The following AP1AR variants were observed in gnomAD, a reference collection of about 807,000 sequenced individuals.
The protein encoded by AP1AR is adaptor related protein complex 1 associated regulatory protein.
AP1AR carries 29 observed loss-of-function variants against 46.3 expected under a neutral mutation model. That is an observed-to-expected ratio of 0.63 (90% CI 0.47 to 0.85). The LOEUF is 0.85. Ranked by LOEUF, AP1AR falls within the 40% of genes least tolerant of loss-of-function variation. AP1AR has a pLI of 0.00. For synonymous variants in AP1AR, 122 were observed against 122.9 expected, an observed-to-expected ratio of 0.99 and a Z score of 0.05; for missense variants, 357 against 356.3, an observed-to-expected ratio of 1.00 and a Z score of -0.02.
intron 7 of AP1AR, chr4:112,265,330 G>T: frequency 2.6e-6 from 1 of 384,272 alleles, no homozygotes; most frequent in Non-Finnish European, 4.6e-6. Flanking sequence ...AATGCCTTTG[G>T]GTGAGTTGTT....
At chr4:112,244,542 G>A (rs914601532) in intron 1 of AP1AR, among the ~76,000 whole-genome samples, 1 of 152,112 alleles carries the variant, frequency 6.6e-6, no homozygotes, top group African/African-American at 2.4e-5. Context: ...CTAAAACAGA[G>A]TTGTCAAGAC....
intron 1 of AP1AR, among the ~76,000 whole-genome samples, chr4:112,249,365 A>C (rs1198067162): frequency 1.3e-5 from 2 of 151,420 alleles, no homozygotes; most frequent in Non-Finnish European, 2.9e-5. Context: ...TCTTTAAAAA[A>C]AAAAAATGTA....
intron 1 of AP1AR, among the ~76,000 whole-genome samples, chr4:112,242,738 C>T (rs534224787): frequency 6.6e-6 from 1 of 152,256 alleles, no homozygotes; most frequent in South Asian, 2.1e-4. Context: ...TAGGCCCCAC[C>T]CCTAACAATG....
intron 3 of AP1AR, 85 bp downstream of exon 3, chr4:112,254,858 TTTA>T (rs1726116406): frequency 1.5e-6 from 1 of 673,968 alleles, no homozygotes; most frequent in Non-Finnish European, 2.3e-6. Flanking sequence ...GTTTACAATT[TTTA>T]TTATTTTTGT....
rs900212065 is a variant in AP1AR at position 112,232,529 on chromosome 4, T to C, written c.83+355T>C. Among the ~76,000 whole-genome samples, 6 of 152,342 alleles carry C rather than the reference T, an allele frequency of 3.9e-5. No homozygotes were observed. The East Asian group carries it at 1.2e-3, about 29-fold the overall frequency. On this transcript the variant is annotated intron_variant, in intron 1 of 9. Coordinates refer to ENST00000274000, the MANE Select transcript of AP1AR (RefSeq NM_018569.6). ...ACCTGGACACACCCTGCGCTGAGCT[T>C]AGGTTTAACGCCAAAGCTAGTATCC...
rs1030493135 is a variant in AP1AR at position 112,259,949 on chromosome 4, CTTT to C, written c.186-815_186-813del. On this transcript the variant is annotated intron_variant, in intron 4 of 9. Coordinates refer to ENST00000274000, the MANE Select transcript of AP1AR (RefSeq NM_018569.6). ...ATTTCTTAAAGTGGAGTGAAATTGCCTTTTAAGATAAAAAAAAGTATGAATAAG... is the reference window on the plus strand; with the variant it reads ...ATTTCTTAAAGTGGAGTGAAATTGCCTAAGATAAAAAAAAGTATGAATAAG... Among the ~76,000 whole-genome samples the C allele has an allele frequency of 4.6e-5, 7 of 151,358 alleles. 3 individuals are homozygous for C. Among genetic ancestry groups the C allele is most frequent in the African/African-American group, 1.7e-4 (7 of 41,466 alleles).
intron 1 of AP1AR, among the ~76,000 whole-genome samples, chr4:112,242,407 C>G (rs6829282): frequency 0.58 from 87,523 of 151,648 alleles, 26,117 homozygotes; most frequent in African/African-American, 0.74. Flanking sequence ...CTGTCTTAGG[C>G]TGTGTCGACA....
chr4:112,264,225 A>C (rs191201948), intron 6 of AP1AR, among the ~76,000 whole-genome samples: 17 of 152,244 alleles, frequency 1.1e-4, no homozygotes, highest in Admixed American at 3.3e-4. Flanking sequence ...GACACTTTTT[A>C]CTGTAATAGA....
Position 112,271,099 on chromosome 4 carries a change from C to T in AP1AR, c.*2690C>T, listed in dbSNP as rs923257057. Among the ~76,000 whole-genome samples, 2 of 152,186 alleles carry T rather than the reference C, an allele frequency of 1.3e-5. No homozygotes were observed. Among genetic ancestry groups the T allele is most frequent in the Non-Finnish European group, 2.9e-5 (2 of 68,032 alleles). ...ATCAGATACTACTGTAGGGGTAACACATCTGGCATGGTGCCGTGGCTACCT... is the reference window on the plus strand; with the variant it reads ...ATCAGATACTACTGTAGGGGTAACATATCTGGCATGGTGCCGTGGCTACCT... On this transcript the variant is annotated 3_prime_UTR_variant, in exon 10 of 10. Coordinates refer to ENST00000274000, the MANE Select transcript of AP1AR (RefSeq NM_018569.6).
Position 112,271,297 on chromosome 4 carries a change from C to T in AP1AR, c.*2888C>T, listed in dbSNP as rs1171292901. Among the ~76,000 whole-genome samples the T allele has an allele frequency of 6.6e-6, 1 of 152,192 alleles. No homozygotes were observed. Among genetic ancestry groups the T allele is most frequent in the African/African-American group, 2.4e-5 (1 of 41,438 alleles). ...ACCTCCCTGTCTTGCAAAAGGCTGC[C>T]GTGAGGCAATTTCTCATCCAGCTGG... On this transcript the variant is annotated 3_prime_UTR_variant, in exon 10 of 10. Transcript: ENST00000274000.
Position 112,266,716 on chromosome 4 carries a change from G to T in AP1AR, c.643G>T (p.Gly215Ter). ...SLDLEWEDEEGMNRMLPMRER... is the reference protein window; with the variant it reads ...SLDLEWEDEE ...AGATCTAGAGTGGGAAGATGAAGAAGGTATTTTATAATTCACAATTTTACC... is the reference window on the plus strand; with the variant it reads ...AGATCTAGAGTGGGAAGATGAAGAATGTATTTTATAATTCACAATTTTACC... The change falls in exon 9 of 10, where the codon GGA (glycine) becomes TGA (stop). Residue 215 changes from glycine to a stop codon, truncating the protein, a stop_gained and splice_region_variant. Transcript: ENST00000274000. LOFTEE classifies it high-confidence loss of function. 1 of 1,595,322 alleles carries T rather than the reference G, an allele frequency of 6.3e-7. No individual in the cohort carries two copies. The highest frequency in any genetic ancestry group is 1.1e-5 in the South Asian group (1 of 88,436).
Position 112,232,137 on chromosome 4 carries a change from G to A in AP1AR, c.46G>A (p.Glu16Lys). Residue 16 changes from glutamate to lysine, a missense_variant, in exon 1 of 10, where the codon GAA (glutamate) becomes AAA (lysine). Coordinates refer to ENST00000274000, the MANE Select transcript of AP1AR (RefSeq NM_018569.6). ...WTQCFGLLRKEAGRLQRVGGG... is the reference protein window; with the variant it reads ...WTQCFGLLRKKAGRLQRVGGG... ...GCAGTGCTTCGGACTGCTTCGCAAG[G>A]AAGCGGGGCGGCTGCAGCGAGTAGG... The A allele has an allele frequency of 7.8e-7, 1 of 1,278,618 alleles. No individual in the cohort carries two copies. Among genetic ancestry groups the A allele is most frequent in the Non-Finnish European group, 1.0e-6 (1 of 1,003,914 alleles). 79.2% of individuals were successfully genotyped at this position (1,278,618 alleles called of 1,614,324 possible).
chr4:112,237,485 TCTCA>T (rs755233120), intron 1 of AP1AR, among the ~76,000 whole-genome samples: 15 of 151,378 alleles, frequency 9.9e-5, no homozygotes, highest in Admixed American at 4.6e-4. Flanking sequence ...TGAGACGAGG[TCTCA>T]CTCTGTCACC....
At chr4:112,251,094 C>G (rs1018310027) in intron 1 of AP1AR, among the ~76,000 whole-genome samples, 1 of 152,174 alleles carries the variant, frequency 6.6e-6, no homozygotes, top group Non-Finnish European at 1.5e-5. Context: ...TTTCATTCCT[C>G]TCATTGCGCA....
At chr4:112,252,847 A>G (rs1025535019) in intron 1 of AP1AR, among the ~76,000 whole-genome samples, 1 of 152,180 alleles carries the variant, frequency 6.6e-6, no homozygotes, top group African/African-American at 2.4e-5. Context: ...CTTTTTATAT[A>G]TTATTTAACA....
intron 3 of AP1AR, 58 bp downstream of exon 3, chr4:112,254,831 T>C: frequency 1.1e-6 from 1 of 895,620 alleles, no homozygotes; most frequent in Non-Finnish European, 1.6e-6. Flanking sequence ...AATCGTCTCA[T>C]TAGTTCTAAC....
chr4:112,249,226 G>C (rs868782820), intron 1 of AP1AR, among the ~76,000 whole-genome samples: 2 of 152,102 alleles, frequency 1.3e-5, no homozygotes, highest in Admixed American at 1.3e-4. Context: ...CCCAGCGGGT[G>C]GAGGTTGTGA....
chr4:112,254,945 A>C, intron 3 of AP1AR, 172 bp downstream of exon 3: 1 of 378,136 alleles, frequency 2.6e-6, no homozygotes, highest in Non-Finnish European at 4.6e-6. Flanking sequence ...ACTAATTTAT[A>C]TTAGAAAATA....
At chr4:112,250,805 A>G (rs1429535228) in intron 1 of AP1AR, among the ~76,000 whole-genome samples, 1 of 150,116 alleles carries the variant, frequency 6.7e-6, no homozygotes, top group Admixed American at 6.6e-5. Flanking sequence ...TTTTTCCCAA[A>G]TATATTTTGC....
Sources: gnomAD v4.1 joint callset for allele counts (sites outside exome capture counted in the v4.1 genomes callset) on GRCh38, gnomAD v4.1.1 for gene constraint, MANE v1.5 for transcripts, NCBI Gene and HGNC (gene_info 2026-07-23, HGNC 2026-07-21) for gene names.